Variants in CSMD3 observed in about 807,000 individuals in gnomAD.
CSMD3 encodes the protein CUB and Sushi multiple domains 3.
A neutral mutation model predicts 435.2 loss-of-function variants in CSMD3; 177 were observed. The ratio of observed to expected loss-of-function variants is 0.41; its 90% CI spans 0.36 to 0.46. CSMD3 has a LOEUF of 0.46. Ranked by LOEUF, CSMD3 falls within the 20% of genes least tolerant of loss-of-function variation. The pLI, the probability that CSMD3 is intolerant of heterozygous loss-of-function variation, is 0.34. For missense variants in CSMD3, 4,265 were observed against 4,504.6 expected (o/e 0.95, Z 1.52); for synonymous variants, 1,656 against 1,520.5 (o/e 1.09, Z -2.07).
intron 13 of CSMD3, among the ~76,000 whole-genome samples, chr8:112,793,388 C>G (rs2132299490): frequency 6.6e-6 from 1 of 151,552 alleles, no homozygotes; most frequent in African/African-American, 2.4e-5. Flanking sequence ...TGTGGGTACA[C>G]ATTTTTTCTT....
chr8:112,931,771 T>G (rs1222904147), intron 9 of CSMD3, among the ~76,000 whole-genome samples: 1 of 152,008 alleles, frequency 6.6e-6, no homozygotes, highest in East Asian at 1.9e-4. Flanking sequence ...AATAATCCCA[T>G]AAAAGTGGAC....
intron 5 of CSMD3, among the ~76,000 whole-genome samples, chr8:113,020,851 G>A (rs1211627771): frequency 6.6e-6 from 1 of 152,134 alleles, no homozygotes; most frequent in Admixed American, 6.5e-5. Context: ...CATTGTATAT[G>A]TAATCAGTGT....
intron 24 of CSMD3, among the ~76,000 whole-genome samples, chr8:112,557,773 C>T (rs149241502): frequency 3.9e-5 from 6 of 151,964 alleles, no homozygotes; most frequent in African/African-American, 9.6e-5. Context: ...GGTAGCTCTT[C>T]GTTTGTATCC....
intron 1 of CSMD3, among the ~76,000 whole-genome samples, chr8:113,428,097 T>C (rs2094646746): frequency 6.6e-6 from 1 of 151,722 alleles, no homozygotes; most frequent in South Asian, 2.1e-4. Context: ...AGAAAGTATC[T>C]TTTATATCTA....
At chr8:112,295,130 T>C (rs761463657) in intron 54 of CSMD3, among the ~76,000 whole-genome samples, 6 of 152,138 alleles carry the variant, frequency 3.9e-5, no homozygotes, top group Non-Finnish European at 7.4e-5. Context: ...AATTTTTAAT[T>C]TTTTTCAGAC....
At chr8:113,040,800 T>A in intron 5 of CSMD3, among the ~76,000 whole-genome samples, 1 of 152,178 alleles carries the variant, frequency 6.6e-6, no homozygotes, top group Middle Eastern at 3.4e-3. Context: ...GTGTTTACAG[T>A]AACATTTCTA....
intron 1 of CSMD3, among the ~76,000 whole-genome samples, chr8:113,395,827 T>C (rs887095411): frequency 2.0e-5 from 3 of 152,184 alleles, no homozygotes; most frequent in Non-Finnish European, 2.9e-5. Context: ...TGTTGTTTTA[T>C]TTGAAATTAC....
At chr8:112,373,297 TC>T (rs35312444) in intron 38 of CSMD3, among the ~76,000 whole-genome samples, 1 of 152,104 alleles carries the variant, frequency 6.6e-6, no homozygotes, top group Non-Finnish European at 1.5e-5. Flanking sequence ...CTGTGATTCT[TC>T]CCTTATGTTA....
chr8:113,278,791 T>C (rs2093591145), intron 2 of CSMD3, 87 bp from the exon 3 acceptor site: 3 of 716,860 alleles, frequency 4.2e-6, no homozygotes, highest in East Asian at 5.6e-5. Flanking sequence ...TTAAAAAAAA[T>C]AATAAAACAG....
intron 45 of CSMD3, among the ~76,000 whole-genome samples, chr8:112,326,382 T>C (rs1445939345): frequency 6.6e-6 from 1 of 152,194 alleles, no homozygotes; most frequent in Non-Finnish European, 1.5e-5. Context: ...ACCAGACTGA[T>C]GGTTCAAATC....
intron 10 of CSMD3, among the ~76,000 whole-genome samples, chr8:112,907,969 A>G (rs907954545): frequency 6.6e-6 from 1 of 151,360 alleles, no homozygotes; most frequent in African/African-American, 2.4e-5. Context: ...CAGCTAGATG[A>G]GATTTTTTTG....
At chr8:112,229,397 C>T (rs562704115) in intron 69 of CSMD3, among the ~76,000 whole-genome samples, 6 of 149,758 alleles carry the variant, frequency 4.0e-5, no homozygotes, top group African/African-American at 1.5e-4. Context: ...ATCATTCTGA[C>T]GAACTCAAAC....
chr8:113,399,124 C>CACTA (rs1554629610), intron 1 of CSMD3, among the ~76,000 whole-genome samples: 1 of 140,438 alleles, frequency 7.1e-6, no homozygotes, highest in Non-Finnish European at 1.5e-5. Context: ...CACACACACA[C>CACTA]TATATATGTG....
At chr8:112,995,251 G>T (rs1297660057) in intron 6 of CSMD3, among the ~76,000 whole-genome samples, 16 of 151,388 alleles carry the variant, frequency 1.1e-4, no homozygotes, top group Admixed American at 9.9e-4. Flanking sequence ...ACTGTGAGAA[G>T]GGGCAATTCA....
chr8:112,420,664 CA>C (rs1295218669), intron 32 of CSMD3, among the ~76,000 whole-genome samples: 1 of 151,940 alleles, frequency 6.6e-6, no homozygotes, highest in Admixed American at 6.6e-5. Flanking sequence ...GGATAAAACT[CA>C]ATTGAACAAA....
intron 11 of CSMD3, among the ~76,000 whole-genome samples, chr8:112,841,637 A>G (rs1186894124): frequency 6.6e-6 from 1 of 151,802 alleles, no homozygotes; most frequent in Non-Finnish European, 1.5e-5. Context: ...TTTCCCAGGT[A>G]ATGTCTAGCT....
intron 10 of CSMD3, among the ~76,000 whole-genome samples, chr8:112,911,887 G>T (rs987763711): frequency 5.6e-5 from 7 of 124,058 alleles, no homozygotes; most frequent in Middle Eastern, 3.7e-3. Context: ...ATTATGAGAA[G>T]AATATTAAAT....
intron 1 of CSMD3, among the ~76,000 whole-genome samples, chr8:113,334,331 G>C (rs992497022): frequency 1.2e-5 from 1 of 85,818 alleles, no homozygotes; most frequent in Non-Finnish European, 2.3e-5. Flanking sequence ...ATATTTCCTT[G>C]TATTGGGATG....
At chr8:112,771,156 G>T (rs1724193272) in intron 13 of CSMD3, among the ~76,000 whole-genome samples, 1 of 152,168 alleles carries the variant, frequency 6.6e-6, no homozygotes, top group South Asian at 2.1e-4. Flanking sequence ...AATTCCCACA[G>T]AGTCCACCTG....
Sources: allele counts gnomAD v4.1 joint callset (sites outside exome capture counted in the v4.1 genomes callset), GRCh38; gene constraint gnomAD v4.1.1; transcripts MANE v1.5; gene names NCBI Gene and HGNC (gene_info 2026-07-23, HGNC 2026-07-21).